ATRNL1: variants seen among roughly 807,000 people sequenced by gnomAD.
The protein encoded by ATRNL1 is attractin-like protein 1.
ATRNL1 carries 95 observed loss-of-function variants against 182.7 expected under a neutral mutation model. That is an observed-to-expected ratio of 0.52 (90% CI 0.44 to 0.62). ATRNL1 has a LOEUF of 0.62. ATRNL1 is among the 20% of genes least tolerant of loss of function. ATRNL1 has a pLI of 0.00. For missense variants in ATRNL1, 1,471 were observed against 1,679.5 expected (o/e 0.88, Z 2.17); for synonymous variants, 576 against 568.3 (o/e 1.01, Z -0.19).
At chr10:115,670,112 T>A (rs1441365347) in intron 26 of ATRNL1, among the ~76,000 whole-genome samples, 1 of 152,096 alleles carries the variant, frequency 6.6e-6, no homozygotes, top group East Asian at 1.9e-4. Flanking sequence ...TGTTTCTTAC[T>A]TGCTTTTAAC....
intron 28 of ATRNL1, among the ~76,000 whole-genome samples, chr10:115,864,980 T>TAA (rs76771298): frequency 3.6e-5 from 4 of 111,000 alleles, no homozygotes; most frequent in African/African-American, 9.6e-5. Context: ...AGACTCCGTC[T>TAA]AAAAAAAAAA....
chr10:115,527,924 C>T (rs1263289273), intron 25 of ATRNL1, among the ~76,000 whole-genome samples: 4 of 116,142 alleles, frequency 3.4e-5, no homozygotes, highest in Admixed American at 8.6e-5. Context: ...TCCTCCCTTC[C>T]TCCCTCCTTC....
intron 20 of ATRNL1, among the ~76,000 whole-genome samples, chr10:115,406,219 G>A (rs1844822978): frequency 6.6e-6 from 1 of 152,064 alleles, no homozygotes; most frequent in South Asian, 2.1e-4. Flanking sequence ...GTAATGGGAT[G>A]GCTGGGTCAA....
At chr10:115,244,886 A>G (rs1022908690) in intron 10 of ATRNL1, among the ~76,000 whole-genome samples, 2 of 152,200 alleles carry the variant, frequency 1.3e-5, no homozygotes, top group African/African-American at 4.8e-5. Context: ...AAACATGAAA[A>G]TGTAATTTCC....
chr10:115,461,474 T>C (rs1350521448), intron 21 of ATRNL1, among the ~76,000 whole-genome samples: 1 of 152,072 alleles, frequency 6.6e-6, no homozygotes, highest in African/African-American at 2.4e-5. Context: ...ATACATTATA[T>C]GAGAAATATT....
At chr10:115,308,666 A>G (rs1193481711) in intron 17 of ATRNL1, among the ~76,000 whole-genome samples, 1 of 152,142 alleles carries the variant, frequency 6.6e-6, no homozygotes, top group Non-Finnish European at 1.5e-5. Flanking sequence ...ATTTCATACA[A>G]GTCCTTATAC....
intron 27 of ATRNL1, among the ~76,000 whole-genome samples, chr10:115,817,310 A>T (rs1181983938): frequency 6.6e-6 from 1 of 152,084 alleles, no homozygotes; most frequent in African/African-American, 2.4e-5. Flanking sequence ...AAAATCATGA[A>T]ATTATTTATG....
At chr10:115,546,879 T>C (rs1852686247) in intron 25 of ATRNL1, among the ~76,000 whole-genome samples, 1 of 152,180 alleles carries the variant, frequency 6.6e-6, no homozygotes, top group East Asian at 1.9e-4. Context: ...CTGTATATTC[T>C]TTAAATATAT....
At chr10:115,760,292 G>A (rs1384904225) in intron 27 of ATRNL1, among the ~76,000 whole-genome samples, 1 of 151,456 alleles carries the variant, frequency 6.6e-6, no homozygotes, top group African/African-American at 2.4e-5. Flanking sequence ...TTTATTTTTT[G>A]CTCTAGTACA....
chr10:115,535,980 G>T (rs1007767564), intron 25 of ATRNL1, among the ~76,000 whole-genome samples: 1 of 150,476 alleles, frequency 6.6e-6, no homozygotes, highest in Non-Finnish European at 1.5e-5. Context: ...TTTTGTCTCA[G>T]AGGATTACCT....
rs561623756 is a variant in ATRNL1 at position 115,809,715 on chromosome 10, A to G, written c.3904-38162A>G. Among the ~76,000 whole-genome samples the G allele has an allele frequency of 7.9e-5, 12 of 152,120 alleles. No homozygotes were observed. In the South Asian group the frequency reaches 2.5e-3, roughly 31 times the overall value. On this transcript the variant is annotated intron_variant, in intron 27 of 28. Transcript: ENST00000355044. ...TTTTGTAGATTCCTTAGGGTTTCCT[A>G]TGAAACAATATTGTCATCTTCAAAT...
At chr10:115,855,951 T>A (rs1555101842) in intron 28 of ATRNL1, among the ~76,000 whole-genome samples, 1 of 152,138 alleles carries the variant, frequency 6.6e-6, no homozygotes. Context: ...TGGATAGTAA[T>A]TTTTTTAACT....
At chr10:115,411,538 C>G (rs1845142324) in intron 20 of ATRNL1, among the ~76,000 whole-genome samples, 1 of 151,568 alleles carries the variant, frequency 6.6e-6, no homozygotes, top group Admixed American at 6.6e-5. Flanking sequence ...ATGATTATCT[C>G]TTTGCTTAGA....
At chr10:115,334,998 A>G (rs750141923) in intron 19 of ATRNL1, among the ~76,000 whole-genome samples, 36 of 152,174 alleles carry the variant, frequency 2.4e-4, no homozygotes, top group Non-Finnish European at 4.6e-4. Context: ...TGTAAAGGTC[A>G]AATGAGATTT....
In ATRNL1 at chr10:115,304,703, C is replaced by T. The variant is rs531703068; in HGVS notation, c.2818+2660C>T. On this transcript the variant is annotated intron_variant, in intron 17 of 28. Coordinates refer to ENST00000355044, the MANE Select transcript of ATRNL1 (RefSeq NM_207303.4). ...AGCCCTCGGAAAAAAACTGGCCTTC[C>T]CACCCTAGCCTTTTAATATGCAAAT... Among the ~76,000 whole-genome samples the T allele has an allele frequency of 4.6e-5, 7 of 152,160 alleles. No homozygotes were observed. In the South Asian group the frequency reaches 1.5e-3, roughly 32 times the overall value.
intron 25 of ATRNL1, among the ~76,000 whole-genome samples, chr10:115,540,484 G>A (rs1017916889): frequency 6.6e-5 from 10 of 152,064 alleles, no homozygotes; most frequent in African/African-American, 1.7e-4. Context: ...AGTGGAGGCC[G>A]GGCATGGTGG....
chr10:115,241,921 G>A (rs145038713), intron 10 of ATRNL1, among the ~76,000 whole-genome samples, 196 bp downstream of exon 10: 1 of 152,172 alleles, frequency 6.6e-6, no homozygotes, highest in Non-Finnish European at 1.5e-5. Flanking sequence ...CTGAGCAGAA[G>A]TAGTGGTAGA....
At chr10:115,293,640 A>G (rs1456813120) in intron 15 of ATRNL1, among the ~76,000 whole-genome samples, 7 of 152,130 alleles carry the variant, frequency 4.6e-5, no homozygotes, top group African/African-American at 1.4e-4. Context: ...CATTTATTGT[A>G]AGGCTAGTCT....
chr10:115,551,787 G>A (rs1853006317), intron 26 of ATRNL1, among the ~76,000 whole-genome samples: 1 of 151,468 alleles, frequency 6.6e-6, no homozygotes, highest in Non-Finnish European at 1.5e-5. Context: ...TCTGCAATTA[G>A]CAAGTAATTT....
Sources: allele counts gnomAD v4.1 joint callset (sites outside exome capture counted in the v4.1 genomes callset), GRCh38; gene constraint gnomAD v4.1.1; transcripts MANE v1.5; gene names NCBI Gene and HGNC (gene_info 2026-07-23, HGNC 2026-07-21).